MAST4: variants seen among roughly 807,000 people sequenced by gnomAD.
MAST4 encodes microtubule-associated serine/threonine-protein kinase 4.
MAST4 carries 89 observed loss-of-function variants against 162.7 expected under a neutral mutation model. The observed-to-expected ratio is 0.55, with a 90% CI of 0.46 to 0.65. The LOEUF (loss-of-function observed/expected upper bound fraction) is 0.65. Ranked by LOEUF, MAST4 falls within the 30% of genes least tolerant of loss-of-function variation. The probability of loss-of-function intolerance (pLI) is 0.00; values close to 1 mark genes in which losing one functional copy is unlikely to be tolerated. For synonymous variants in MAST4, 1,479 were observed against 1,361.1 expected (o/e 1.09, Z -1.91); for missense variants, 3,153 against 3,374.0 (o/e 0.93, Z 1.62).
At chr5:67,104,822 T>C (rs1225698525) in intron 10 of MAST4, among the ~76,000 whole-genome samples, 1 of 152,206 alleles carries the variant, frequency 6.6e-6, no homozygotes, top group Non-Finnish European at 1.5e-5. Flanking sequence ...TCTATGACTC[T>C]AGGATAAGTG....
chr5:67,078,830 TTATA>T (rs1191265557), intron 5 of MAST4, among the ~76,000 whole-genome samples: 1 of 110,262 alleles, frequency 9.1e-6, no homozygotes, highest in Non-Finnish European at 1.7e-5. Context: ...ATATTTATAT[TTATA>T]TATTTAAATA....
chr5:66,788,544 C>T (rs1182567092), intron 2 of MAST4, 126 bp from the exon 3 acceptor site: 1 of 1,244,806 alleles, frequency 8.0e-7, no homozygotes, highest in African/African-American at 1.5e-5. Flanking sequence ...AATGTTATTA[C>T]TGGGTATGGC....
intron 2 of MAST4, among the ~76,000 whole-genome samples, chr5:66,776,654 G>T (rs1580424490): frequency 2.0e-5 from 3 of 152,070 alleles, no homozygotes; most frequent in Admixed American, 2.0e-4. Context: ...TATGATCCTT[G>T]GGAGAAATAT....
In MAST4 at chr5:66,911,558, A is replaced by ACCCC. The variant is rs59771853; in HGVS notation, c.674+11590_674+11593dup. The stretch of plus-strand genomic sequence containing the variant: ...CTCTACAAACAAACAAACAACAACA[A>ACCCC]CCCCCCCCCCCCCCCCCGCAAAAAA... On this transcript the variant is annotated intron_variant, in intron 4 of 28. Coordinates refer to ENST00000403625, the MANE Select transcript of MAST4 (RefSeq NM_001164664.2). Among the ~76,000 whole-genome samples, 8 of 18,094 alleles carry ACCCC rather than the reference A, an allele frequency of 4.4e-4. 1 individual carries two copies. The highest frequency in any genetic ancestry group is 4.2e-4 in the Non-Finnish European group (4 of 9,442). The allele number at this position is 18,094 out of a possible 152,430, so 11.9% of individuals were successfully genotyped here.
At position 67,049,008 on chromosome 5, in the gene MAST4, C is replaced by CACACATATATATACGTATAT. The variant is rs1362965159; in HGVS notation, c.675-5395_675-5394insCACATATATATACGTATATA. Among the ~76,000 whole-genome samples, 84 of 104,510 alleles carry CACACATATATATACGTATAT rather than the reference C, an allele frequency of 8.0e-4. 2 individuals carry two copies. The highest frequency in any genetic ancestry group is 3.4e-3 in the African/African-American group (82 of 24,454). The allele number at this position is 104,510 out of a possible 152,430, so 68.6% of individuals were successfully genotyped here. A position where few individuals can be genotyped will look rare whatever the true frequency, so the allele number is the denominator to read the frequency against. On this transcript the variant is annotated intron_variant, in intron 4 of 28. Transcript: ENST00000403625. ...ATATGTATATATATATATACACACA[C>CACACATATATATACGTATAT]ATATATATATATACGTATATATATA... is the stretch of plus-strand genomic sequence containing the variant.
intron 5 of MAST4, among the ~76,000 whole-genome samples, chr5:67,079,294 T>C (rs917292210): frequency 6.6e-5 from 10 of 152,034 alleles, no homozygotes; most frequent in African/African-American, 9.7e-5. Flanking sequence ...ATAATAGAGA[T>C]TTAGATGGGC....
At position 67,164,334 on chromosome 5, in the gene MAST4, C is replaced by CCAGG. The variant is rs1773603338; in HGVS notation, c.5156_5159dup (p.Asn1721ArgfsTer18). 4 of 1,613,920 alleles carry CCAGG rather than the reference C, an allele frequency of 2.5e-6. No individual in the cohort carries two copies. On this transcript the variant is annotated frameshift_variant, in exon 29 of 29. Transcript: ENST00000403625. LOFTEE classifies it low-confidence loss of function (END_TRUNC). This position sits in a 1 kb window ranked among gnomAD's most constrained non-coding sequence, Gnocchi z 5.3. The stretch of plus-strand genomic sequence containing the variant: ...GACAGCTGGCTCCCACGAATGCCTG[C>CCAGG]CAGGGAACCCAGTCCGACCCACGGG...
chr5:66,973,574 G>A (rs1260546560), intron 4 of MAST4, among the ~76,000 whole-genome samples: 1 of 152,072 alleles, frequency 6.6e-6, no homozygotes, highest in Non-Finnish European at 1.5e-5. Flanking sequence ...TTCCCTTTAT[G>A]GTGACTATGC....
At chr5:66,908,455 G>A (rs35961328) in intron 4 of MAST4, among the ~76,000 whole-genome samples, 4,988 of 152,156 alleles carry the variant, frequency 0.033, 152 homozygotes, top group African/African-American at 0.076. Flanking sequence ...GTAGAGGCTT[G>A]AGTACTTTTA....
chr5:66,975,332 G>A (rs1337489091), intron 4 of MAST4, among the ~76,000 whole-genome samples: 1 of 152,194 alleles, frequency 6.6e-6, no homozygotes, highest in Non-Finnish European at 1.5e-5. Context: ...GTGGTAAACT[G>A]CATTCTCTTG....
chr5:66,725,043 A>C (rs937908659), intron 1 of MAST4, among the ~76,000 whole-genome samples: 2 of 151,836 alleles, frequency 1.3e-5, no homozygotes, highest in Non-Finnish European at 2.9e-5. Flanking sequence ...TTAATGAAAT[A>C]TTATTTCATT....
chr5:67,124,519 A>G (rs1458031479), intron 14 of MAST4, among the ~76,000 whole-genome samples: 4 of 152,160 alleles, frequency 2.6e-5, no homozygotes, highest in Non-Finnish European at 4.4e-5. Flanking sequence ...TAAATAAACA[A>G]ATTTCAACAT....
chr5:67,163,233 C>G lies in MAST4; in HGVS notation c.4054C>G (p.His1352Asp). The stretch of plus-strand genomic sequence containing the variant: ...CGGGCACATCCGGCCCAGCACTCTC[C>G]ACGGTCTTGCACCCAAACTCGGCGG... ...GSGHIRPSTL[H>D]GLAPKLGGQR... The change falls in exon 29 of 29, where the codon CAC becomes GAC. Residue 1352 changes from histidine (H) to aspartate (D), a missense_variant. Physicochemically the swap from His to Asp is moderately conservative, Grantham distance 81. This residue lies in a region of MAST4 where 619 missense variants were observed against 744.2 expected (regional missense o/e 0.83). Coordinates refer to ENST00000403625, the MANE Select transcript of MAST4 (RefSeq NM_001164664.2). The surrounding 1 kb of genome is among the most constrained non-coding windows in gnomAD (Gnocchi z 7.0). The G allele has an allele frequency of 6.2e-7, 1 of 1,613,924 alleles. No individual in the cohort carries two copies. The highest frequency in any genetic ancestry group is 8.5e-7 in the Non-Finnish European group (1 of 1,179,906).
Position 66,888,374 on chromosome 5 carries a change from C to A in MAST4, c.643-11577C>A, listed in dbSNP as rs377373964. On this transcript the variant is annotated intron_variant, in intron 3 of 28. Transcript: ENST00000403625. ...GCTTCATATAGCAGTTCAAGAGGTC[C>A]CTTGAGCTGATTTGCCAGTAAATTT... 4.0e-3 allele frequency among the ~76,000 whole-genome samples: 611 copies of A among 152,152 alleles called. 3 individuals carry two copies. The highest frequency in any genetic ancestry group is 0.014 in the African/African-American group (588 of 41,502).
intron 1 of MAST4, among the ~76,000 whole-genome samples, chr5:66,654,184 A>G (rs895983080): frequency 3.9e-5 from 6 of 152,180 alleles, no homozygotes; most frequent in Admixed American, 1.3e-4. Flanking sequence ...TGGCCAGGGG[A>G]GACTCCTCTG....
chr5:67,075,115 A>G (rs1561614786), intron 5 of MAST4, among the ~76,000 whole-genome samples: 1 of 149,102 alleles, frequency 6.7e-6, no homozygotes, highest in Non-Finnish European at 1.5e-5. Flanking sequence ...AGAAATGTAT[A>G]TGTCTGCTGG....
chr5:67,078,598 CAAT>C (rs1253937916), intron 5 of MAST4, among the ~76,000 whole-genome samples: 5 of 143,554 alleles, frequency 3.5e-5, no homozygotes, highest in Admixed American at 2.9e-4. Context: ...TTTGTCAAGT[CAAT>C]AAAGCTGGAA....
rs1408105152 is a variant in MAST4 at position 67,163,313 on chromosome 5, G to A, written c.4134G>A (p.Pro1378=). 2.5e-6 allele frequency: 4 copies of A among 1,612,832 alleles called. No individual in the cohort carries two copies. The highest frequency in any genetic ancestry group is 3.4e-6 in the Non-Finnish European group (4 of 1,179,864). ...RKSAGNIPLS[P]LARTPSPTPQ... is the part of the protein sequence containing the mutation. ...CCGCCGGCAACATCCCACTGTCCCCGCTGGCCCGGACGCCCTCTCCAACCC... is the reference window on the plus strand; with the variant it reads ...CCGCCGGCAACATCCCACTGTCCCCACTGGCCCGGACGCCCTCTCCAACCC... Residue 1378 remains proline, a synonymous_variant, in exon 29 of 29, where the codon CCG becomes CCA. Coordinates refer to ENST00000403625, the MANE Select transcript of MAST4 (RefSeq NM_001164664.2). The surrounding 1 kb of genome is among the most constrained non-coding windows in gnomAD (Gnocchi z 7.0).
rs774842743 is a variant in MAST4, at chr5:67,118,707, T to C, written c.1617T>C (p.Asp539=). ...AAATGGCTCATTTGGGAAACTACGA[T>C]AGTGGGACAGCAGAAACACCAGAAA... ...LEEMAHLGNY[D]SGTAETPETD... Residue 539 remains aspartate, a synonymous_variant, in exon 13 of 29, where the codon GAT becomes GAC. Transcript: ENST00000403625. 46 of 1,577,334 alleles carry C rather than the reference T, an allele frequency of 2.9e-5. 1 individual carries two copies. In the South Asian group the frequency reaches 4.4e-4, roughly 15 times the overall value.
Sources: gnomAD v4.1 joint callset for allele counts (sites outside exome capture counted in the v4.1 genomes callset) on GRCh38, gnomAD v4.1.1 for gene constraint, gnomAD v4.1.1 regional missense constraint, Gnocchi (gnomAD v3.1) non-coding constraint, MANE v1.5 for transcripts, NCBI Gene and HGNC (gene_info 2026-07-23, HGNC 2026-07-21) for gene names.